Variants in MAP2K4 observed in about 807,000 individuals in gnomAD.
MAP2K4 encodes the protein mitogen-activated protein kinase kinase 4.
A neutral mutation model predicts 48.5 loss-of-function variants in MAP2K4; 4 were observed. The observed-to-expected ratio is 0.08, with a 90% CI of 0.04 to 0.19. The LOEUF (loss-of-function observed/expected upper bound fraction) is 0.19, where lower values mean the gene tolerates loss of function less well. Among genes scored for constraint, MAP2K4 ranks in the 10% least tolerant of loss-of-function variants. The pLI is 1.00. For missense variants in MAP2K4, 258 were observed against 493.3 expected, an observed-to-expected ratio of 0.52 and a Z score of 4.52; for synonymous variants, 166 against 173.1, an observed-to-expected ratio of 0.96 and a Z score of 0.32.
intron 1 of MAP2K4, among the ~76,000 whole-genome samples, chr17:12,044,616 T>C (rs28918097): frequency 0.04 from 6,125 of 152,300 alleles, 396 homozygotes; most frequent in African/African-American, 0.14. Context: ...TGACCAAATA[T>C]GGGGGATTTC....
At chr17:12,049,181 AAAT>A (rs761632574) in intron 1 of MAP2K4, among the ~76,000 whole-genome samples, 2 of 152,240 alleles carry the variant, frequency 1.3e-5, no homozygotes, top group Non-Finnish European at 2.9e-5. Flanking sequence ...TCTGTTTTGA[AAAT>A]GAGGTAGTAA....
intron 9 of MAP2K4, among the ~76,000 whole-genome samples, chr17:12,137,190 T>G (rs1973236987): frequency 6.6e-6 from 1 of 152,188 alleles, no homozygotes; most frequent in Non-Finnish European, 1.5e-5. Flanking sequence ...CTCAGACATA[T>G]GTTGAACAAA....
At chr17:12,074,324 T>G (rs945561501) in intron 2 of MAP2K4, among the ~76,000 whole-genome samples, 6 of 152,314 alleles carry the variant, frequency 3.9e-5, no homozygotes, top group African/African-American at 9.6e-5. Context: ...TCCCAGAGAT[T>G]ATTGTGTGAT....
At chr17:12,066,069 C>G (rs1453892606) in intron 2 of MAP2K4, among the ~76,000 whole-genome samples, 1 of 151,762 alleles carries the variant, frequency 6.6e-6, no homozygotes, top group Non-Finnish European at 1.5e-5. Flanking sequence ...CTAGAGTCCC[C>G]TAAAAAGTTG....
chr17:12,132,610 G>GA (rs920140357), intron 9 of MAP2K4, among the ~76,000 whole-genome samples: 2,890 of 138,518 alleles, frequency 0.021, 94 homozygotes, highest in African/African-American at 0.069. Context: ...TTTTCCTAAG[G>GA]AAAAAAAAAA....
chr17:12,060,344 G>A (rs767715744), intron 2 of MAP2K4, among the ~76,000 whole-genome samples: 4 of 152,064 alleles, frequency 2.6e-5, no homozygotes, highest in African/African-American at 9.7e-5. Context: ...ATAATGAATA[G>A]GAAGGGGAGA....
intron 10 of MAP2K4, 35 bp from the exon 11 acceptor site, chr17:12,141,112 A>G (rs980772566): frequency 7.2e-7 from 1 of 1,385,680 alleles, no homozygotes; most frequent in African/African-American, 1.4e-5. Context: ...CTGTCATACA[A>G]ACTTTTGACT....
At chr17:12,103,016 ATTTTC>A (rs1301839885) in intron 4 of MAP2K4, among the ~76,000 whole-genome samples, 3 of 133,624 alleles carry the variant, frequency 2.2e-5, no homozygotes, top group South Asian at 2.3e-4. Context: ...CAGTTAAATG[ATTTTC>A]TTTTCTTTTC....
intron 4 of MAP2K4, among the ~76,000 whole-genome samples, chr17:12,102,662 T>C (rs921755857): frequency 1.3e-5 from 2 of 152,124 alleles, no homozygotes; most frequent in African/African-American, 4.8e-5. Context: ...TGGCAATTTC[T>C]TTGTGAGAAT....
At chr17:12,080,874 G>T (rs1299530944) in intron 2 of MAP2K4, among the ~76,000 whole-genome samples, 1 of 152,178 alleles carries the variant, frequency 6.6e-6, no homozygotes, top group Non-Finnish European at 1.5e-5. Context: ...CCAGGTGATT[G>T]TAAGGTACAG....
chr17:12,095,501 A>G (rs909483057), intron 3 of MAP2K4, 74 bp from the exon 4 acceptor site: 3 of 1,564,712 alleles, frequency 1.9e-6, no homozygotes, highest in Non-Finnish European at 2.6e-6. Context: ...TTTCTCTACC[A>G]TGAGACTAAA....
chr17:12,092,072 A>AT (rs1231517419), intron 3 of MAP2K4, among the ~76,000 whole-genome samples: 1 of 152,178 alleles, frequency 6.6e-6, no homozygotes, highest in Admixed American at 6.5e-5. Flanking sequence ...TGAAAATAAT[A>AT]TAAAAAACTT....
intron 2 of MAP2K4, among the ~76,000 whole-genome samples, chr17:12,068,104 C>G (rs1176130427): frequency 6.6e-6 from 1 of 152,016 alleles, no homozygotes; most frequent in Non-Finnish European, 1.5e-5. Flanking sequence ...AAATATTCAA[C>G]TTGTCATGGA....
At chr17:12,128,841 C>A (rs938798144) in intron 8 of MAP2K4, among the ~76,000 whole-genome samples, 11 of 152,326 alleles carry the variant, frequency 7.2e-5, no homozygotes, top group Admixed American at 2.0e-4. Context: ...GAAGTCAGAA[C>A]CACAGGCTGC....
chr17:12,021,861 C>A (rs1598007405), intron 1 of MAP2K4, among the ~76,000 whole-genome samples: 2 of 152,032 alleles, frequency 1.3e-5, no homozygotes. Context: ...TAATGACTTT[C>A]CCCACTGGGA....
intron 1 of MAP2K4, among the ~76,000 whole-genome samples, chr17:12,027,526 AAAAG>A (rs1969293617): frequency 6.6e-6 from 1 of 152,152 alleles, no homozygotes; most frequent in African/African-American, 2.4e-5. Flanking sequence ...AACATTTAAA[AAAAG>A]AGGAATCAAG....
intron 2 of MAP2K4, among the ~76,000 whole-genome samples, chr17:12,061,049 C>T (rs1970435797): frequency 6.6e-6 from 1 of 152,114 alleles, no homozygotes; most frequent in African/African-American, 2.4e-5. Context: ...TTAGGTACCT[C>T]TCATAAGTGG....
chr17:12,110,056 AG>A (rs1412521829), intron 5 of MAP2K4, among the ~76,000 whole-genome samples: 2 of 152,056 alleles, frequency 1.3e-5, no homozygotes, highest in African/African-American at 4.8e-5. Flanking sequence ...CAAAATAAAA[AG>A]GGAAAAAAAA....
chr17:12,123,542 C>T (rs1347835357), intron 7 of MAP2K4, among the ~76,000 whole-genome samples: 3 of 151,974 alleles, frequency 2.0e-5, no homozygotes, highest in African/African-American at 7.2e-5. Flanking sequence ...CTTGTCTTCA[C>T]GTTACTTTTT....
Sources: allele counts gnomAD v4.1 joint callset (sites outside exome capture counted in the v4.1 genomes callset), GRCh38; gene constraint gnomAD v4.1.1; transcripts MANE v1.5; gene names NCBI Gene and HGNC (gene_info 2026-07-23, HGNC 2026-07-21).